Variants in PRELID2 observed in about 807,000 individuals in gnomAD.
PRELID2 encodes the protein PRELI domain-containing protein 2.
PRELID2 carries 25 observed loss-of-function variants against 28.4 expected under a neutral mutation model. That is an observed-to-expected ratio of 0.88 (90% CI 0.64 to 1.23). The LOEUF is 1.23. PRELID2 is among the 50% of genes most tolerant of loss of function. PRELID2 has a pLI of 0.00. For missense variants in PRELID2, 201 were observed against 214.4 expected, an observed-to-expected ratio of 0.94 and a Z score of 0.39; for synonymous variants, 76 against 71.6, an observed-to-expected ratio of 1.06 and a Z score of -0.31.
intron 1 of PRELID2, among the ~76,000 whole-genome samples, chr5:145,533,218 A>G (rs542564984): frequency 1.4e-4 from 22 of 152,202 alleles, no homozygotes; most frequent in African/African-American, 5.3e-4. Flanking sequence ...ACAATGTAAA[A>G]GGCATCACTC....
At chr5:145,816,775 A>G (rs1167454101) in intron 4 of PRELID2, among the ~76,000 whole-genome samples, 1 of 152,194 alleles carries the variant, frequency 6.6e-6, no homozygotes, top group Non-Finnish European at 1.5e-5. Context: ...TGGTGGCACA[A>G]CTATATATTT....
At chr5:145,464,749 A>G in the PRELID2 span, among the ~76,000 whole-genome samples, 1 of 152,166 alleles carries the variant, frequency 6.6e-6, no homozygotes, top group African/African-American at 2.4e-5. Context: ...CAAATTGGCA[A>G]TTGGTTGGCA....
At chr5:145,806,712 G>T (rs1753536368) in intron 4 of PRELID2, among the ~76,000 whole-genome samples, 1 of 152,322 alleles carries the variant, frequency 6.6e-6, no homozygotes, top group East Asian at 1.9e-4. Flanking sequence ...GGTGGGAGCT[G>T]ATTGGATCAT....
chr5:145,578,153 G>A (rs1241949330), intron 1 of PRELID2, among the ~76,000 whole-genome samples: 2 of 152,072 alleles, frequency 1.3e-5, no homozygotes, highest in Non-Finnish European at 2.9e-5. Flanking sequence ...CATCCAAGGA[G>A]AACAAAATCC....
chr5:145,699,209 A>T (rs2149701588), intron 1 of PRELID2, among the ~76,000 whole-genome samples: 1 of 152,286 alleles, frequency 6.6e-6, no homozygotes, highest in African/African-American at 2.4e-5. Context: ...GGTAAGAGAC[A>T]TCTGAGATGG....
chr5:145,822,755 A>G (rs1189438268), intron 2 of PRELID2, among the ~76,000 whole-genome samples: 2 of 152,190 alleles, frequency 1.3e-5, no homozygotes. Context: ...TAATAAGAGT[A>G]CCTGCCACAT....
the PRELID2 span, among the ~76,000 whole-genome samples, chr5:145,293,460 T>C: frequency 2.0e-5 from 3 of 152,180 alleles, no homozygotes; most frequent in Admixed American, 1.3e-4. Context: ...TTCCTTTTTA[T>C]GGGTGAGAGG....
At chr5:145,386,980 A>G in the PRELID2 span, among the ~76,000 whole-genome samples, 1 of 152,218 alleles carries the variant, frequency 6.6e-6, no homozygotes, top group African/African-American at 2.4e-5. Flanking sequence ...CCTAAGTGAT[A>G]AGCCCTCTTC....
chr5:145,514,930 C>A (rs921520816), intron 1 of PRELID2, among the ~76,000 whole-genome samples: 1 of 152,096 alleles, frequency 6.6e-6, no homozygotes, highest in East Asian at 1.9e-4. Flanking sequence ...AAAATTAAGG[C>A]AGAAATAAAT....
intron 1 of PRELID2, among the ~76,000 whole-genome samples, chr5:145,703,147 A>C (rs1755453601): frequency 6.6e-6 from 1 of 152,196 alleles, no homozygotes; most frequent in African/African-American, 2.4e-5. Flanking sequence ...AAGCCAGACA[A>C]ATTACCAAGC....
chr5:145,416,405 A>T, the PRELID2 span, among the ~76,000 whole-genome samples: 1 of 152,168 alleles, frequency 6.6e-6, no homozygotes, highest in Non-Finnish European at 1.5e-5. Context: ...ACAAAAGACA[A>T]AATTGACAAA....
At chr5:145,814,391 T>G (rs1754157369) in intron 4 of PRELID2, among the ~76,000 whole-genome samples, 1 of 152,204 alleles carries the variant, frequency 6.6e-6, no homozygotes, top group Admixed American at 6.5e-5. Flanking sequence ...GCCTTTACAC[T>G]TAATCCCAAA....
chr5:145,313,040 T>C, the PRELID2 span, among the ~76,000 whole-genome samples: 5 of 152,152 alleles, frequency 3.3e-5, no homozygotes, highest in Non-Finnish European at 5.9e-5. Flanking sequence ...AAAATTCATA[T>C]GGAACCCCCC....
At chr5:145,721,513 T>C (rs1045200027) in intron 1 of PRELID2, among the ~76,000 whole-genome samples, 2 of 152,094 alleles carry the variant, frequency 1.3e-5, no homozygotes, top group Non-Finnish European at 2.9e-5. Flanking sequence ...AGCAAACACA[T>C]CATATAGAGA....
chr5:145,247,634 G>A, the PRELID2 span, among the ~76,000 whole-genome samples: 2 of 152,092 alleles, frequency 1.3e-5, no homozygotes, highest in Non-Finnish European at 2.9e-5. Context: ...ATGCCAATCA[G>A]GCATGCCCAG....
At chr5:145,464,906 C>A in the PRELID2 span, among the ~76,000 whole-genome samples, 95 of 152,116 alleles carry the variant, frequency 6.2e-4, 1 homozygote, top group African/African-American at 2.2e-3. Flanking sequence ...GACTGGGGTA[C>A]CTGACTTTGC....
the PRELID2 span, among the ~76,000 whole-genome samples, chr5:145,431,998 C>T: frequency 1.3e-5 from 2 of 151,926 alleles, no homozygotes; most frequent in Non-Finnish European, 2.9e-5. Flanking sequence ...AAATAGAGAG[C>T]AATCACATGT....
In PRELID2 at chr5:145,804,314, G is replaced by A. The variant is rs960891277; in HGVS notation, c.369-7767C>T. ...TCATGAGGTCAGGAGTTTGAGACCA[G>A]CCTGGCCAACATGATGAAACCCCAT... On this transcript the variant is annotated intron_variant, in intron 4 of 6. Transcript: ENST00000683046. Among the ~76,000 whole-genome samples the A allele has an allele frequency of 2.2e-4, 33 of 152,008 alleles. 1 individual carries two copies. Among genetic ancestry groups the A allele is most frequent in the Admixed American group, 4.6e-4 (7 of 15,248 alleles).
At chr5:145,344,319 C>T in the PRELID2 span, among the ~76,000 whole-genome samples, 7 of 152,020 alleles carry the variant, frequency 4.6e-5, no homozygotes, top group East Asian at 7.7e-4. Flanking sequence ...ATAAATGGGA[C>T]CCATCCCAGG....
Sources: allele counts gnomAD v4.1 joint callset (sites outside exome capture counted in the v4.1 genomes callset), GRCh38; gene constraint gnomAD v4.1.1; transcripts MANE v1.5; gene names NCBI Gene and HGNC (gene_info 2026-07-23, HGNC 2026-07-21).